The following NTN1 variants were observed in gnomAD, a reference collection of about 807,000 sequenced individuals.
The protein encoded by NTN1 is netrin 1, also known as netrin-1.
A neutral mutation model predicts 54.2 loss-of-function variants in NTN1; 11 were observed. That is an observed-to-expected ratio of 0.20 (90% CI 0.13 to 0.34). NTN1 has a LOEUF of 0.34. Ranked by LOEUF, NTN1 falls within the 10% of genes least tolerant of loss-of-function variation. NTN1 has a pLI of 1.00. For synonymous variants in NTN1, 371 were observed against 382.0 expected (o/e 0.97, Z 0.33); for missense variants, 740 against 893.1 (o/e 0.83, Z 2.18).
At chr17:9,103,039 T>C (rs2142243757) in intron 2 of NTN1, among the ~76,000 whole-genome samples, 1 of 152,300 alleles carries the variant, frequency 6.6e-6, no homozygotes, top group East Asian at 1.9e-4. Context: ...TTCTGGTTCT[T>C]GGCCTGAGGC....
At position 9,166,435 on chromosome 17, in the gene NTN1, A is replaced by G. The variant is rs921052754; in HGVS notation, c.1207+3434A>G. Reference sequence around the variant, plus strand: ...CGGCTCACTGCAACCTCTGCCTCCCAGGTTCAAGCGATTCTCCTGCCTCAG... The same window carrying G: ...CGGCTCACTGCAACCTCTGCCTCCCGGGTTCAAGCGATTCTCCTGCCTCAG... On this transcript the variant is annotated intron_variant, in intron 3 of 6. Transcript: ENST00000173229. Among the ~76,000 whole-genome samples the G allele has an allele frequency of 5.0e-5, 7 of 140,636 alleles. No individual in the cohort carries two copies. In the East Asian group the frequency reaches 1.3e-3, roughly 27 times the overall value. 92.3% of individuals were successfully genotyped at this position (140,636 alleles called of 152,430 possible).
intron 5 of NTN1, among the ~76,000 whole-genome samples, chr17:9,197,896 A>C (rs1403874599): frequency 6.6e-6 from 1 of 152,198 alleles, no homozygotes; most frequent in Non-Finnish European, 1.5e-5. Flanking sequence ...CCCATGGTCC[A>C]AGATACCTTC....
chr17:9,155,151 C>T (rs1156820514), intron 2 of NTN1, among the ~76,000 whole-genome samples: 2 of 152,166 alleles, frequency 1.3e-5, no homozygotes, highest in Non-Finnish European at 2.9e-5. Context: ...CTTGACAGCT[C>T]TGGTCACCGT....
chr17:9,157,959 G>A (rs2092347776), intron 2 of NTN1, among the ~76,000 whole-genome samples: 1 of 152,256 alleles, frequency 6.6e-6, no homozygotes, highest in African/African-American at 2.4e-5. Flanking sequence ...CTCTGAGGAA[G>A]GGGCTAGGGA....
chr17:9,121,248 C>T (rs2092230878), intron 2 of NTN1, among the ~76,000 whole-genome samples: 1 of 152,186 alleles, frequency 6.6e-6, no homozygotes, highest in Non-Finnish European at 1.5e-5. Flanking sequence ...AGGCCGTGTA[C>T]ATTCAGGTTC....
At chr17:9,155,538 T>C (rs1207495059) in intron 2 of NTN1, among the ~76,000 whole-genome samples, 1 of 152,014 alleles carries the variant, frequency 6.6e-6, no homozygotes, top group Non-Finnish European at 1.5e-5. Context: ...ACGGGGTTTC[T>C]CCATGTTGGT....
intron 5 of NTN1, among the ~76,000 whole-genome samples, chr17:9,213,449 C>T (rs1455648180): frequency 6.6e-6 from 1 of 152,212 alleles, no homozygotes; most frequent in African/African-American, 2.4e-5. Flanking sequence ...GTTACTCCTG[C>T]ATGGAGCAAG....
intron 2 of NTN1, among the ~76,000 whole-genome samples, chr17:9,042,672 A>G (rs536378007): frequency 6.6e-6 from 1 of 152,014 alleles, no homozygotes; most frequent in Non-Finnish European, 1.5e-5. Flanking sequence ...CTGCAGTCCC[A>G]GCTACTCAGG....
At position 9,130,001 on chromosome 17, in the gene NTN1, G is replaced by A. The variant is rs2092259446; in HGVS notation, c.1019-32812G>A. Among the ~76,000 whole-genome samples the A allele has an allele frequency of 5.3e-5, 8 of 152,192 alleles. 1 individual carries two copies. Among genetic ancestry groups the A allele is most frequent in the Admixed American group, 5.2e-4 (8 of 15,282 alleles). On this transcript the variant is annotated intron_variant, in intron 2 of 6. Transcript: ENST00000173229. ...GAGGAAGGGGCCTTATCTGTGAGTG[G>A]CTTCTTGTTGGCATGTTGGTGATAA...
chr17:9,051,285 A>T (rs1309935709), intron 2 of NTN1, among the ~76,000 whole-genome samples: 4 of 152,218 alleles, frequency 2.6e-5, no homozygotes, highest in African/African-American at 9.6e-5. Context: ...TGGAGCTCGC[A>T]GACAGGCCCC....
chr17:9,202,411 C>G (rs574810007), intron 5 of NTN1, among the ~76,000 whole-genome samples: 105 of 152,298 alleles, frequency 6.9e-4, no homozygotes, highest in African/African-American at 2.4e-3. Context: ...AGCTGCGTCT[C>G]TGGCTGTGTT....
chr17:9,200,102 C>T (rs890465185), intron 5 of NTN1, among the ~76,000 whole-genome samples: 1 of 152,252 alleles, frequency 6.6e-6, no homozygotes, highest in African/African-American at 2.4e-5. Flanking sequence ...TACAGGACTA[C>T]AAGCATCCTT....
At chr17:9,151,117 C>G (rs1053063904) in intron 2 of NTN1, among the ~76,000 whole-genome samples, 5 of 152,298 alleles carry the variant, frequency 3.3e-5, no homozygotes, top group South Asian at 2.1e-4. Context: ...ATCTGCCCCC[C>G]ACCCCTGTCC....
intron 5 of NTN1, among the ~76,000 whole-genome samples, chr17:9,218,283 A>G (rs1905256854): frequency 6.6e-6 from 1 of 152,182 alleles, no homozygotes; most frequent in African/African-American, 2.4e-5. Flanking sequence ...TGAGCTGGTG[A>G]GTCACCAATG....
At chr17:9,063,102 C>CTTT (rs561140679) in intron 2 of NTN1, among the ~76,000 whole-genome samples, 6 of 145,872 alleles carry the variant, frequency 4.1e-5, no homozygotes, top group African/African-American at 1.0e-4. Flanking sequence ...TCATTAATGA[C>CTTT]TTTTTTTTTT....
At chr17:9,128,710 C>T (rs774945808) in intron 2 of NTN1, among the ~76,000 whole-genome samples, 3 of 152,210 alleles carry the variant, frequency 2.0e-5, no homozygotes, top group African/African-American at 7.2e-5. Context: ...GAGGGAGACC[C>T]TTTGCCAATT....
chr17:9,044,234 C>CT (rs11327209), intron 2 of NTN1, among the ~76,000 whole-genome samples: 4 of 149,118 alleles, frequency 2.7e-5, no homozygotes, highest in South Asian at 2.1e-4. Context: ...GTTTCCGGTA[C>CT]TTTTTTTTTT....
intron 3 of NTN1, chr17:9,176,511 G>A (rs2092400469): frequency 6.6e-6 from 1 of 152,222 alleles, no homozygotes; most frequent in South Asian, 2.1e-4. Context: ...GGCACTGCCA[G>A]TCACATTCTC....
intron 2 of NTN1, among the ~76,000 whole-genome samples, chr17:9,107,809 T>C (rs565628001): frequency 6.6e-6 from 1 of 152,234 alleles, no homozygotes; most frequent in African/African-American, 2.4e-5. Flanking sequence ...AAAAACTGCA[T>C]GGGCCGAAAA....
Sources: allele counts gnomAD v4.1 joint callset (sites outside exome capture counted in the v4.1 genomes callset), GRCh38; gene constraint gnomAD v4.1.1; transcripts MANE v1.5; gene names NCBI Gene and HGNC (gene_info 2026-07-23, HGNC 2026-07-21).